PUDP: variants seen among roughly 807,000 people sequenced by gnomAD.
PUDP encodes pseudouridine-5'-phosphatase.
PUDP carries 8 observed loss-of-function variants against 9.4 expected under a neutral mutation model. The ratio of observed to expected loss-of-function variants is 0.85; its 90% CI spans 0.50 to 1.53. The LOEUF (loss-of-function observed/expected upper bound fraction) is 1.53. Among genes scored for constraint, PUDP ranks in the 40% most tolerant of loss-of-function variants. The probability of loss-of-function intolerance (pLI) is 0.00; values close to 1 mark genes in which losing one functional copy is unlikely to be tolerated. For missense variants in PUDP, 188 were observed against 189.7 expected (o/e 0.99, Z 0.05); for synonymous variants, 99 against 80.7 (o/e 1.23, Z -1.22).
At chrX:7,079,439 G>C (rs5978888) in intron 2 of PUDP, among the ~76,000 whole-genome samples, 36,658 of 111,314 alleles carry the variant, frequency 0.33, 4,548 homozygotes, top group Middle Eastern at 0.47. Flanking sequence ...GGACACAGCA[G>C]ACTTCAGAAC....
chrX:6,933,042 G>A (rs1303948667), intron 3 of PUDP, among the ~76,000 whole-genome samples: 1 of 110,665 alleles, frequency 9.0e-6, no homozygotes, highest in East Asian at 2.9e-4. Flanking sequence ...CTGGGGGCAG[G>A]GCACAGACAA....
intron 3 of PUDP, among the ~76,000 whole-genome samples, chrX:6,869,325 C>CTTACAAT (rs1927137890): frequency 8.9e-6 from 1 of 111,928 alleles, no homozygotes; most frequent in Non-Finnish European, 1.9e-5. Context: ...ATGATGTCTA[C>CTTACAAT]GGCCTCAATG....
intron 2 of PUDP, among the ~76,000 whole-genome samples, chrX:7,092,096 A>T (rs1274991507): frequency 7.1e-5 from 8 of 112,994 alleles, no homozygotes. Context: ...ATGGCCTACA[A>T]GGCCAGGGTC....
chrX:6,992,361 T>C (rs948953952), intron 1 of PUDP, among the ~76,000 whole-genome samples: 6 of 83,606 alleles, frequency 7.2e-5, no homozygotes, highest in Non-Finnish European at 9.6e-5. Flanking sequence ...CAAGCTCCGC[T>C]TCCCGGGTTC....
chrX:7,055,290 C>T (rs1298830169), intron 3 of PUDP, among the ~76,000 whole-genome samples: 2 of 110,954 alleles, frequency 1.8e-5, no homozygotes, highest in African/African-American at 6.6e-5. Context: ...CTGGCTCTGT[C>T]ACCCAGGCTG....
intron 3 of PUDP, among the ~76,000 whole-genome samples, chrX:6,927,084 C>T (rs1304111861): frequency 1.8e-5 from 2 of 109,247 alleles, no homozygotes; most frequent in Non-Finnish European, 3.8e-5. Context: ...TGTGCCACCA[C>T]ACCTGGCTAA....
At chrX:6,948,961 C>G (rs771142127) in intron 3 of PUDP, among the ~76,000 whole-genome samples, 82 of 112,096 alleles carry the variant, frequency 7.3e-4, no homozygotes, top group South Asian at 2.2e-3. Flanking sequence ...GAGCTGTGTT[C>G]GCAATGGGGG....
chrX:6,833,331 A>G (rs563344169), intron 3 of PUDP, among the ~76,000 whole-genome samples: 1 of 111,390 alleles, frequency 9.0e-6, no homozygotes, highest in South Asian at 3.8e-4. Flanking sequence ...ATGAATAAGT[A>G]GGTGGATAGA....
intron 3 of PUDP, among the ~76,000 whole-genome samples, chrX:7,065,546 C>A (rs886875190): frequency 2.7e-5 from 3 of 112,309 alleles, no homozygotes; most frequent in African/African-American, 9.7e-5. Context: ...TGAAATGCCA[C>A]CTTGATCCTC....
chrX:6,817,065 A>G (rs1469938962), intron 3 of PUDP, among the ~76,000 whole-genome samples: 1 of 102,904 alleles, frequency 9.7e-6, no homozygotes, highest in South Asian at 4.0e-4. Context: ...TATATAGTAT[A>G]TACTATGTGT....
chrX:6,894,685 AG>A (rs1293657925), intron 3 of PUDP, among the ~76,000 whole-genome samples: 1 of 111,580 alleles, frequency 9.0e-6, no homozygotes, highest in African/African-American at 3.3e-5. Flanking sequence ...ATAAAGGTAT[AG>A]GAACAGGACA....
At chrX:6,820,607 T>C (rs760665658) in intron 3 of PUDP, among the ~76,000 whole-genome samples, 3 of 111,481 alleles carry the variant, frequency 2.7e-5, no homozygotes, top group Non-Finnish European at 5.6e-5. Flanking sequence ...ATAGGGCCCA[T>C]GCAAGTCCAA....
intron 3 of PUDP, among the ~76,000 whole-genome samples, chrX:6,851,804 C>T (rs1339816964): frequency 9.0e-6 from 1 of 111,316 alleles, no homozygotes. Context: ...CAGAGTCCAA[C>T]TCTTGCTCCA....
chrX:6,794,786 C>T (rs1176286086), intron 3 of PUDP, among the ~76,000 whole-genome samples: 3 of 109,910 alleles, frequency 2.7e-5, no homozygotes, highest in Non-Finnish European at 5.7e-5. Context: ...TCTCAAACTG[C>T]TGACCTCAGG....
intron 1 of PUDP, among the ~76,000 whole-genome samples, chrX:7,028,796 C>T (rs758812625): frequency 6.3e-5 from 7 of 111,535 alleles, no homozygotes; most frequent in African/African-American, 1.6e-4. Context: ...CGGACCGGGC[C>T]GCTTACCACA....
chrX:6,818,170 G>C (rs1926282443), intron 3 of PUDP, among the ~76,000 whole-genome samples: 1 of 108,323 alleles, frequency 9.2e-6, no homozygotes, highest in African/African-American at 3.7e-5. Flanking sequence ...CACACACCCT[G>C]AGTAGTATCC....
intron 3 of PUDP, among the ~76,000 whole-genome samples, chrX:7,060,619 G>A (rs980373695): frequency 4.5e-5 from 5 of 112,324 alleles, no homozygotes; most frequent in Non-Finnish European, 7.5e-5. Flanking sequence ...TGAAGGTCCC[G>A]CAAAGCAGCA....
intron 3 of PUDP, among the ~76,000 whole-genome samples, chrX:6,950,001 T>A (rs5934677): frequency 3.6e-5 from 4 of 110,285 alleles, no homozygotes; most frequent in Admixed American, 1.9e-4. Context: ...TTGCCCTGTC[T>A]CCAGTATGGC....
intron 3 of PUDP, among the ~76,000 whole-genome samples, chrX:6,784,606 C>T (rs904548862): frequency 8.9e-6 from 1 of 111,871 alleles, no homozygotes; most frequent in Non-Finnish European, 1.9e-5. Flanking sequence ...TCTCACTCAG[C>T]ATCTGAGGGG....
Sources: gnomAD v4.1 joint callset for allele counts (sites outside exome capture counted in the v4.1 genomes callset) on GRCh38, gnomAD v4.1.1 for gene constraint, MANE v1.5 for transcripts, NCBI Gene and HGNC (gene_info 2026-07-23, HGNC 2026-07-21) for gene names.